The following SHROOM3 variants were observed in gnomAD, a reference collection of about 807,000 sequenced individuals.
SHROOM3 encodes the protein protein Shroom3.
A neutral mutation model predicts 138.6 loss-of-function variants in SHROOM3; 47 were observed. That is an observed-to-expected ratio of 0.34 (90% confidence interval 0.27 to 0.43). The LOEUF is 0.43. SHROOM3 is among the 20% of genes least tolerant of loss of function. The probability of loss-of-function intolerance (pLI) is 1.00; values close to 1 mark genes in which losing one functional copy is unlikely to be tolerated. For missense variants in SHROOM3, 2,491 were observed against 2,596.5 expected (o/e 0.96, Z 0.88); for synonymous variants, 1,062 against 1,063.3 (o/e 1.00, Z 0.02).
chr4:76,543,553 AG>A (rs1733150653), intron 1 of SHROOM3, among the ~76,000 whole-genome samples: 1 of 152,208 alleles, frequency 6.6e-6, no homozygotes, highest in Non-Finnish European at 1.5e-5. Context: ...CTTAAACCAC[AG>A]GTTTATTTCA....
At chr4:76,756,047 T>TC (rs1441190010) in intron 7 of SHROOM3, among the ~76,000 whole-genome samples, 1 of 152,226 alleles carries the variant, frequency 6.6e-6, no homozygotes, top group Non-Finnish European at 1.5e-5. Flanking sequence ...GAATTCCTAG[T>TC]CCATCTTCCT....
At chr4:76,753,252 G>A (rs1314098683) in intron 6 of SHROOM3, among the ~76,000 whole-genome samples, 1 of 152,180 alleles carries the variant, frequency 6.6e-6, no homozygotes, top group Non-Finnish European at 1.5e-5. Context: ...CTGCATCTAT[G>A]TATAATAAAG....
intron 2 of SHROOM3, chr4:76,689,813 G>A (rs1719464034): frequency 1.1e-6 from 1 of 933,736 alleles, no homozygotes; most frequent in Admixed American, 6.2e-5. Context: ...CCTGTCTGGA[G>A]GATGGCTCCC....
At chr4:76,746,824 A>ATT (rs1553947704) in intron 5 of SHROOM3, among the ~76,000 whole-genome samples, 11 of 126,706 alleles carry the variant, frequency 8.7e-5, no homozygotes, top group African/African-American at 3.1e-4. Context: ...TATTATTATT[A>ATT]TTATTATTTT....
chr4:76,607,131 T>G (rs1734639148), intron 2 of SHROOM3, among the ~76,000 whole-genome samples: 1 of 152,220 alleles, frequency 6.6e-6, no homozygotes, highest in African/African-American at 2.4e-5. Flanking sequence ...CATCATTTCC[T>G]CCAGTTTTAT....
In SHROOM3 at chr4:76,652,932, T is replaced by C. The variant is rs189377222; in HGVS notation, c.324-57224T>C. Among the ~76,000 whole-genome samples the C allele has an allele frequency of 3.7e-4, 56 of 152,246 alleles. 2 individuals are homozygous for C. Among genetic ancestry groups the C allele is most frequent in the Admixed American group, 3.4e-3 (52 of 15,290 alleles). ...CATTCTACTTGGTTGTTGAGGGATG[T>C]AGACCTGGAGCAGATATATCATGGT... On this transcript the variant is annotated intron_variant, in intron 2 of 10. Coordinates refer to ENST00000296043, the MANE Select transcript of SHROOM3 (RefSeq NM_020859.4).
intron 2 of SHROOM3, among the ~76,000 whole-genome samples, chr4:76,556,015 C>T (rs748532693): frequency 2.0e-5 from 3 of 152,136 alleles, no homozygotes; most frequent in Non-Finnish European, 4.4e-5. Flanking sequence ...CAGGGATAGA[C>T]CTCACTGGAC....
intron 4 of SHROOM3, among the ~76,000 whole-genome samples, chr4:76,738,084 CCT>C (rs1721131020): frequency 6.6e-6 from 1 of 151,976 alleles, no homozygotes. Context: ...CCGAAGAGCC[CCT>C]GTGATTAAGC....
intron 1 of SHROOM3, among the ~76,000 whole-genome samples, chr4:76,500,637 T>A (rs1208392455): frequency 6.6e-6 from 1 of 152,196 alleles, no homozygotes; most frequent in East Asian, 1.9e-4. Context: ...GTCCTTTTCA[T>A]TTTAGCCATT....
At chr4:76,761,528 A>G (rs1304412518) in intron 9 of SHROOM3, among the ~76,000 whole-genome samples, 1 of 152,182 alleles carries the variant, frequency 6.6e-6, no homozygotes. Context: ...GGGGTCACAC[A>G]GTTAATAGAT....
Position 76,651,401 on chromosome 4 carries a change from AATATATATATATATATATATATATATAT to A in SHROOM3, c.324-58737_324-58710del, listed in dbSNP as rs33994270. Among the ~76,000 whole-genome samples, 47 of 86,758 alleles carry A rather than the reference AATATATATATATATATATATATATATAT, an allele frequency of 5.4e-4. 3 individuals carry two copies. Among genetic ancestry groups the A allele is most frequent in the African/African-American group, 4.2e-4 (10 of 23,752 alleles). 56.9% of individuals were successfully genotyped at this position (86,758 alleles called of 152,430 possible). On this transcript the variant is annotated intron_variant, in intron 2 of 10. Transcript: ENST00000296043. ...ATTAACACATCTCATGTAACCCATA[AATATATATATATATATATATATATATAT>A]ATATATATATATATATACCTACTAT...
intron 2 of SHROOM3, among the ~76,000 whole-genome samples, chr4:76,569,610 G>A (rs1244095769): frequency 6.6e-6 from 1 of 151,824 alleles, no homozygotes; most frequent in Non-Finnish European, 1.5e-5. Context: ...GGATAATTTG[G>A]GATGTTCATG....
intron 3 of SHROOM3, among the ~76,000 whole-genome samples, chr4:76,730,518 A>T (rs1720840377): frequency 6.6e-6 from 1 of 152,222 alleles, no homozygotes; most frequent in Non-Finnish European, 1.5e-5. Flanking sequence ...ACATGTAGGA[A>T]GTCTAGGCGA....
intron 5 of SHROOM3, among the ~76,000 whole-genome samples, chr4:76,742,584 A>G (rs989757864): frequency 1.3e-5 from 2 of 152,208 alleles, no homozygotes; most frequent in Admixed American, 1.3e-4. Context: ...AAAATCTCAC[A>G]TAAAAGGATT....
intron 2 of SHROOM3, among the ~76,000 whole-genome samples, chr4:76,655,432 G>C (rs72661490): frequency 0.11 from 17,384 of 152,196 alleles, 1,004 homozygotes; most frequent in East Asian, 0.16. Context: ...CAGTCCTATT[G>C]TCATTTCTAT....
At chr4:76,706,341 T>A (rs553693918) in intron 2 of SHROOM3, among the ~76,000 whole-genome samples, 1 of 152,112 alleles carries the variant, frequency 6.6e-6, no homozygotes, top group Non-Finnish European at 1.5e-5. Context: ...TCTCGATCGC[T>A]TGACCTCATG....
intron 2 of SHROOM3, among the ~76,000 whole-genome samples, chr4:76,617,240 G>A (rs1207657261): frequency 6.6e-6 from 1 of 152,198 alleles, no homozygotes; most frequent in Non-Finnish European, 1.5e-5. Context: ...TGTGAGACAA[G>A]TAAGAGAATG....
At chr4:76,698,538 T>C (rs561141414) in intron 2 of SHROOM3, among the ~76,000 whole-genome samples, 3 of 152,264 alleles carry the variant, frequency 2.0e-5, no homozygotes, top group African/African-American at 7.2e-5. Context: ...ACAGACTACA[T>C]TGGGACCCTC....
intron 2 of SHROOM3, chr4:76,586,855 T>G (rs1734165637): frequency 6.6e-6 from 1 of 152,238 alleles, no homozygotes; most frequent in Non-Finnish European, 1.5e-5. Flanking sequence ...TCATGCAACC[T>G]CAGGATTTAC....
Sources: gnomAD v4.1 joint callset for allele counts (sites outside exome capture counted in the v4.1 genomes callset) on GRCh38, gnomAD v4.1.1 for gene constraint, MANE v1.5 for transcripts, NCBI Gene and HGNC (gene_info 2026-07-23, HGNC 2026-07-21) for gene names.